The following ITGA9 variants were observed in gnomAD, a reference collection of about 807,000 sequenced individuals.
ITGA9 encodes the protein integrin subunit alpha 9.
Under a neutral mutation model 127.8 loss-of-function variants are expected in ITGA9, and 56 were observed. The ratio of observed to expected loss-of-function variants is 0.44; its 90% confidence interval spans 0.35 to 0.55. ITGA9 has a LOEUF of 0.55. Among genes scored for constraint, ITGA9 ranks in the 20% least tolerant of loss-of-function variants. ITGA9 has a pLI of 0.00. For synonymous variants in ITGA9, 508 were observed against 514.5 expected, an observed-to-expected ratio of 0.99 and a Z score of 0.17; for missense variants, 1,196 against 1,347.1, an observed-to-expected ratio of 0.89 and a Z score of 1.76.
intron 15 of ITGA9, among the ~76,000 whole-genome samples, chr3:37,577,186 G>C (rs1313884039): frequency 6.6e-6 from 1 of 152,240 alleles, no homozygotes; most frequent in African/African-American, 2.4e-5. Flanking sequence ...CCACCCTGTG[G>C]GATGAATGGG....
chr3:37,674,653 A>G (rs761516058), intron 17 of ITGA9, among the ~76,000 whole-genome samples: 2 of 152,178 alleles, frequency 1.3e-5, no homozygotes, highest in Non-Finnish European at 2.9e-5. Flanking sequence ...GCACAGCATG[A>G]GCACACCTAC....
intron 5 of ITGA9, among the ~76,000 whole-genome samples, chr3:37,496,024 A>G (rs929058982): frequency 6.6e-6 from 1 of 152,100 alleles, no homozygotes; most frequent in African/African-American, 2.4e-5. Context: ...GGGGAAGGGC[A>G]TGGGACATGG....
At chr3:37,622,018 T>C (rs1431469324) in intron 15 of ITGA9, among the ~76,000 whole-genome samples, 1 of 152,220 alleles carries the variant, frequency 6.6e-6, no homozygotes, top group African/African-American at 2.4e-5. Context: ...GTCTCTTCCT[T>C]TCTGGTTGAA....
chr3:37,762,967 C>T (rs1696739859), intron 23 of ITGA9, among the ~76,000 whole-genome samples: 1 of 152,236 alleles, frequency 6.6e-6, no homozygotes, highest in African/African-American at 2.4e-5. Flanking sequence ...AATCTCTGCT[C>T]TCCCATTTTC....
At chr3:37,559,482 C>T (rs1198975632) in intron 15 of ITGA9, among the ~76,000 whole-genome samples, 2 of 152,298 alleles carry the variant, frequency 1.3e-5, no homozygotes, top group East Asian at 3.9e-4. Context: ...TACGCAAATG[C>T]ATCAGAAGAG....
intron 17 of ITGA9, among the ~76,000 whole-genome samples, chr3:37,662,561 G>T (rs1700548533): frequency 6.6e-6 from 1 of 152,138 alleles, no homozygotes; most frequent in African/African-American, 2.4e-5. Flanking sequence ...AACAGTTCCT[G>T]CTTCCCTGCC....
At chr3:37,630,541 T>C (rs551115007) in intron 16 of ITGA9, among the ~76,000 whole-genome samples, 1 of 152,296 alleles carries the variant, frequency 6.6e-6, no homozygotes, top group Admixed American at 6.5e-5. Context: ...CATTCAGCCA[T>C]TGACTGGCTG....
chr3:37,499,517 G>T (rs1376053602), intron 5 of ITGA9, among the ~76,000 whole-genome samples: 1 of 152,220 alleles, frequency 6.6e-6, no homozygotes, highest in African/African-American at 2.4e-5. Flanking sequence ...TCATTTGTGT[G>T]TGTGACATTG....
intron 19 of ITGA9, among the ~76,000 whole-genome samples, chr3:37,735,334 C>G (rs537420815): frequency 1.7e-4 from 26 of 152,290 alleles, no homozygotes; most frequent in Admixed American, 1.2e-3. Context: ...GCCTGCCCCC[C>G]ACCCCACAGT....
chr3:37,619,374 G>T (rs74700791), intron 15 of ITGA9, among the ~76,000 whole-genome samples: 1 of 152,172 alleles, frequency 6.6e-6, no homozygotes, highest in Admixed American at 6.5e-5. Flanking sequence ...CTGAGATGGG[G>T]ATTTTTGCCA....
At chr3:37,558,417 G>A (rs1699452042) in intron 15 of ITGA9, among the ~76,000 whole-genome samples, 1 of 152,080 alleles carries the variant, frequency 6.6e-6, no homozygotes, top group South Asian at 2.1e-4. Flanking sequence ...TGCATTCGGG[G>A]CACTGTCTTA....
intron 23 of ITGA9, among the ~76,000 whole-genome samples, chr3:37,776,140 A>G (rs1222679702): frequency 1.3e-5 from 2 of 152,238 alleles, no homozygotes; most frequent in African/African-American, 4.8e-5. Context: ...ATGAGAACTC[A>G]TGAACACAAA....
intron 22 of ITGA9, among the ~76,000 whole-genome samples, chr3:37,747,788 G>A (rs1468949985): frequency 6.6e-6 from 1 of 151,292 alleles, no homozygotes; most frequent in Non-Finnish European, 1.5e-5. Context: ...GAGTGCAGTG[G>A]TGCAGTCTCA....
At chr3:37,456,492 G>A (rs1290007015) in intron 1 of ITGA9, among the ~76,000 whole-genome samples, 4 of 152,152 alleles carry the variant, frequency 2.6e-5, no homozygotes, top group South Asian at 2.1e-4. Context: ...CCTGGCTGGC[G>A]TGCAGCCTCC....
At chr3:37,715,086 C>G (rs1239598876) in intron 18 of ITGA9, among the ~76,000 whole-genome samples, 1 of 152,192 alleles carries the variant, frequency 6.6e-6, no homozygotes, top group Non-Finnish European at 1.5e-5. Flanking sequence ...GTGTTCAGAG[C>G]TCAGGACAGG....
chr3:37,716,152 C>G (rs1188724700), intron 18 of ITGA9, among the ~76,000 whole-genome samples: 2 of 152,198 alleles, frequency 1.3e-5, no homozygotes, highest in Non-Finnish European at 2.9e-5. Context: ...ACTTCCATCT[C>G]TCCATGTTCA....
chr3:37,624,674 T>C (rs1256900889), intron 15 of ITGA9, among the ~76,000 whole-genome samples: 1 of 152,134 alleles, frequency 6.6e-6, no homozygotes, highest in East Asian at 1.9e-4. Context: ...GTAGTGTGAT[T>C]GCAGCTCACT....
intron 23 of ITGA9, among the ~76,000 whole-genome samples, chr3:37,755,752 A>G (rs896067980): frequency 2.0e-5 from 3 of 152,204 alleles, no homozygotes; most frequent in African/African-American, 4.8e-5. Context: ...TCAGATGATC[A>G]TAATATAAGA....
At chr3:37,453,686 A>T (rs1232678219) in intron 1 of ITGA9, among the ~76,000 whole-genome samples, 7 of 152,136 alleles carry the variant, frequency 4.6e-5, no homozygotes, top group Admixed American at 4.6e-4. Context: ...GAGGTCACTG[A>T]TGCTGGTGCT....
Sources: gnomAD v4.1 joint callset for allele counts (sites outside exome capture counted in the v4.1 genomes callset) on GRCh38, gnomAD v4.1.1 for gene constraint, MANE v1.5 for transcripts, NCBI Gene and HGNC (gene_info 2026-07-23, HGNC 2026-07-21) for gene names.